Variants in ATP6AP2 observed in about 807,000 individuals in gnomAD.
ATP6AP2 encodes renin receptor.
A neutral mutation model predicts 23.4 loss-of-function variants in ATP6AP2; 1 was observed. That is an observed-to-expected ratio of 0.04 (90% CI 0.02 to 0.20). The LOEUF is 0.20. Among genes scored for constraint, ATP6AP2 ranks in the 10% least tolerant of loss-of-function variants. ATP6AP2 has a pLI of 1.00. For missense variants in ATP6AP2, 174 were observed against 271.3 expected (o/e 0.64, Z 2.52); for synonymous variants, 90 against 97.1 (o/e 0.93, Z 0.43).
At chrX:40,590,979 C>T (rs748395958) in intron 2 of ATP6AP2, 1 of 317,668 alleles carries the variant, frequency 3.1e-6, no homozygotes, top group Non-Finnish European at 5.5e-6. Context: ...TGCTTTTTTC[C>T]ACAAAAGGTG....
chrX:40,581,221 C>T (rs889109771), intron 1 of ATP6AP2, 119 bp downstream of exon 1: 5 of 788,424 alleles, frequency 6.3e-6, no homozygotes, highest in Non-Finnish European at 8.3e-6. Context: ...GGTCCGTCAG[C>T]GGCGGCCTCG....
rs181823715 is a variant in ATP6AP2, at chrX:40,605,058, C to T, written c.859-503C>T. 852 of 115,016 alleles carry T rather than the reference C, an allele frequency of 7.4e-3. 10 individuals carry two copies. Among genetic ancestry groups the T allele is most frequent in the African/African-American group, 0.026 (790 of 30,020 alleles). 9.5% of individuals were successfully genotyped at this position (115,016 alleles called of 1,213,427 possible). ...AAGCAGTTCTCCTGCCTCAGCCTCC[C>T]GAGTAGCTGGGATTACAGGCACCTG... is the stretch of plus-strand genomic sequence containing the variant. On this transcript the variant is annotated intron_variant, in intron 8 of 8. Coordinates refer to ENST00000636580, the MANE Select transcript of ATP6AP2 (RefSeq NM_005765.3).
At chrX:40,600,927 C>CTT in intron 8 of ATP6AP2, 46 bp downstream of exon 8, 1 of 939,038 alleles carries the variant, frequency 1.1e-6, no homozygotes, top group South Asian at 2.2e-5. Context: ...AAATTAACTT[C>CTT]TTATAAAAAA....
At chrX:40,583,954 G>A (rs1211079523) in intron 1 of ATP6AP2, among the ~76,000 whole-genome samples, 1 of 111,818 alleles carries the variant, frequency 8.9e-6, no homozygotes, top group Admixed American at 9.5e-5. Context: ...GGCTCAGCCT[G>A]GGAGAGATGT....
At chrX:40,599,062 A>G (rs1926840783) in intron 6 of ATP6AP2, 2 of 279,260 alleles carry the variant, frequency 7.2e-6, no homozygotes, top group African/African-American at 5.4e-5. Flanking sequence ...TAAAATAGAA[A>G]TAATAGTTTG....
At position 40,605,386 on chromosome X, in the gene ATP6AP2, G is replaced by A. The variant is rs372355112; in HGVS notation, c.859-175G>A. 39 of 459,745 alleles carry A rather than the reference G, an allele frequency of 8.5e-5. No homozygotes were observed. The African/African-American group carries it at 8.8e-4, about 10-fold the overall frequency. The allele number at this position is 459,745 out of a possible 1,213,427, so 37.9% of individuals were successfully genotyped here. A position where few individuals can be genotyped will look rare whatever the true frequency, so the allele number is the denominator to read the frequency against. On this transcript the variant is annotated intron_variant, in intron 8 of 8. Coordinates refer to ENST00000636580, the MANE Select transcript of ATP6AP2 (RefSeq NM_005765.3). Reference sequence around the variant, plus strand: ...GGACTGGTTTATACTTCCACCATCAGTGCAAGTGTCGTCTCCACAAAGGCG... The same window carrying A: ...GGACTGGTTTATACTTCCACCATCAATGCAAGTGTCGTCTCCACAAAGGCG...
At chrX:40,596,903 T>A (rs1227543701) in intron 3 of ATP6AP2, 4 of 161,384 alleles carry the variant, frequency 2.5e-5, no homozygotes, top group Non-Finnish European at 4.7e-5. Flanking sequence ...TATTGTGGAA[T>A]ATGCATTCAT....
intron 3 of ATP6AP2, chrX:40,591,624 G>A: frequency 3.1e-6 from 1 of 320,150 alleles, no homozygotes; most frequent in Non-Finnish European, 5.5e-6. Context: ...AATAGCCAGA[G>A]GCTTGAAAAA....
intron 8 of ATP6AP2, chrX:40,603,233 C>G (rs1926984465): frequency 9.1e-6 from 1 of 109,474 alleles, no homozygotes; most frequent in South Asian, 3.9e-4. Flanking sequence ...CATGCCCGGC[C>G]TATGAGATTT....
intron 3 of ATP6AP2, among the ~76,000 whole-genome samples, chrX:40,595,592 T>A (rs1249299219): frequency 8.9e-6 from 1 of 112,180 alleles, no homozygotes; most frequent in Non-Finnish European, 1.9e-5. Context: ...ATCTTCAACT[T>A]TCCTGAACCG....
At position 40,605,902 on chromosome X, in the gene ATP6AP2, A is replaced by G; in HGVS notation, c.*147A>G. The stretch of plus-strand genomic sequence containing the variant: ...GTTCTTTATTTTGTGTGTGCCTGTG[A>G]TGTTTTTCTAGAGTGAATTATAGTA... On this transcript the variant is annotated 3_prime_UTR_variant, in exon 9 of 9. Coordinates refer to ENST00000636580, the MANE Select transcript of ATP6AP2 (RefSeq NM_005765.3). 1.9e-6 allele frequency: 1 copy of G among 516,207 alleles called. No homozygotes were observed. Among genetic ancestry groups the G allele is most frequent in the East Asian group, 3.7e-5 (1 of 27,378 alleles). The allele number at this position is 516,207 out of a possible 1,213,427, so 42.5% of individuals were successfully genotyped here. A position where few individuals can be genotyped will look rare whatever the true frequency, so the allele number is the denominator to read the frequency against.
chrX:40,595,224 T>C (rs779467990), intron 3 of ATP6AP2, among the ~76,000 whole-genome samples: 9 of 112,295 alleles, frequency 8.0e-5, no homozygotes, highest in Non-Finnish European at 1.5e-4. Context: ...TTTTATTGCT[T>C]GGCCCTGGTT....
At chrX:40,593,477 A>G (rs1926695920) in intron 3 of ATP6AP2, among the ~76,000 whole-genome samples, 1 of 109,749 alleles carries the variant, frequency 9.1e-6, no homozygotes, top group Non-Finnish European at 1.9e-5. Context: ...ATAGTATTCC[A>G]TTATGTTTAT....
chrX:40,601,566 G>A (rs1027622537), intron 8 of ATP6AP2, among the ~76,000 whole-genome samples: 4 of 111,914 alleles, frequency 3.6e-5, no homozygotes, highest in African/African-American at 9.8e-5. Context: ...GTGTATGTAC[G>A]TGCACATTTA....
chrX:40,603,917 TTAA>T (rs1195921979), intron 8 of ATP6AP2, among the ~76,000 whole-genome samples: 10 of 111,229 alleles, frequency 9.0e-5, no homozygotes, highest in Non-Finnish European at 1.1e-4. Flanking sequence ...ATTTTTAATT[TTAA>T]TGTTATCTTT....
chrX:40,603,425 C>G (rs1380996082), intron 8 of ATP6AP2: 4 of 110,212 alleles, frequency 3.6e-5, no homozygotes, highest in Non-Finnish European at 7.6e-5. Flanking sequence ...TGCCTCAGCT[C>G]TGAGCTCCCC....
At chrX:40,597,876 C>T in intron 5 of ATP6AP2, 1 of 393,513 alleles carries the variant, frequency 2.5e-6, no homozygotes. Context: ...GGAAATTTTG[C>T]TATTTTAGAA....
chrX:40,585,909 A>G (rs1384432053), intron 1 of ATP6AP2, among the ~76,000 whole-genome samples: 2 of 112,030 alleles, frequency 1.8e-5, no homozygotes, highest in Non-Finnish European at 3.8e-5. Context: ...TAGTAAACTT[A>G]AAATGAAGTA....
intron 3 of ATP6AP2, chrX:40,591,883 T>C (rs914382335): frequency 2.4e-5 from 3 of 126,603 alleles, no homozygotes; most frequent in African/African-American, 9.6e-5. Context: ...ACATTTTTAC[T>C]AGCATAACTA....
Sources: gnomAD v4.1 joint callset for allele counts (sites outside exome capture counted in the v4.1 genomes callset) on GRCh38, gnomAD v4.1.1 for gene constraint, MANE v1.5 for transcripts, NCBI Gene and HGNC (gene_info 2026-07-23, HGNC 2026-07-21) for gene names.